SMC3: variants seen among roughly 807,000 people sequenced by gnomAD.
The protein encoded by SMC3 is structural maintenance of chromosomes 3, also known as structural maintenance of chromosomes protein 3.
SMC3 carries 20 observed loss-of-function variants against 171.8 expected under a neutral mutation model. That is an observed-to-expected ratio of 0.12 (90% CI 0.08 to 0.17). The LOEUF is 0.17. Among genes scored for constraint, SMC3 ranks in the 10% least tolerant of loss-of-function variants. The pLI is 1.00. For synonymous variants in SMC3, 464 were observed against 451.1 expected (o/e 1.03, Z -0.36); for missense variants, 543 against 1,420.4 (o/e 0.38, Z 9.93).
At chr10:110,594,458 T>C (rs1414807615) in intron 18 of SMC3, among the ~76,000 whole-genome samples, 1 of 152,104 alleles carries the variant, frequency 6.6e-6, no homozygotes, top group East Asian at 1.9e-4. Flanking sequence ...TGAAAATAGC[T>C]CTTCTTTTGG....
rs373679910 is a variant in SMC3, at chr10:110,599,858, A to G, written c.2427+46A>G. On this transcript the variant is annotated intron_variant, in intron 21 of 28. Transcript: ENST00000361804. Reference sequence around the variant, plus strand: ...AAAAAGAATTCGTTAGTAATTGGCTATTGTGAAAAGGGCCTTTCTTGCTAA... The same window carrying G: ...AAAAAGAATTCGTTAGTAATTGGCTGTTGTGAAAAGGGCCTTTCTTGCTAA... The G allele has an allele frequency of 1.9e-5, 30 of 1,586,816 alleles. No homozygotes were observed. The Middle Eastern group carries it at 5.0e-4, about 26-fold the overall frequency.
chr10:110,603,950 C>T (rs1254664844), intron 28 of SMC3, among the ~76,000 whole-genome samples: 1 of 151,874 alleles, frequency 6.6e-6, no homozygotes, highest in Non-Finnish European at 1.5e-5. Context: ...CAAAAATTAG[C>T]TGGGCATGCT....
intron 17 of SMC3, 90 bp from the exon 18 acceptor site, chr10:110,592,983 T>C: frequency 2.7e-6 from 3 of 1,104,126 alleles, no homozygotes; most frequent in Non-Finnish European, 4.1e-6. Flanking sequence ...GTTTATGGTT[T>C]ATTTGTATTT....
intron 15 of SMC3, among the ~76,000 whole-genome samples, 161 bp downstream of exon 15, chr10:110,590,152 A>G (rs1861183166): frequency 6.6e-6 from 1 of 152,232 alleles, no homozygotes; most frequent in African/African-American, 2.4e-5. Context: ...AAATAGTTTT[A>G]TTACTACACA....
At chr10:110,583,985 T>C in intron 12 of SMC3, 23 bp downstream of exon 12, 3 of 1,611,450 alleles carry the variant, frequency 1.9e-6, no homozygotes, top group Non-Finnish European at 2.5e-6. Context: ...TCACCAACAC[T>C]TTAACTTTCT....
chr10:110,571,514 G>A (rs11819139), intron 2 of SMC3, among the ~76,000 whole-genome samples: 16,895 of 152,202 alleles, frequency 0.11, 1,850 homozygotes, highest in African/African-American at 0.28. Context: ...ATGCCTCCAA[G>A]CTTTTGGATT....
rs368204915 is a variant in SMC3, at chr10:110,582,652, T to C, written c.804+10T>C. The C allele has an allele frequency of 1.3e-6, 2 of 1,594,892 alleles. No individual in the cohort carries two copies. The highest frequency in any genetic ancestry group is 1.7e-6 in the Non-Finnish European group (2 of 1,162,870). ...AAGAGATAAAATGGAGGTAAGATTA[T>C]AAACAAGGTTCATGTTAACTTACTT... On this transcript the variant is annotated intron_variant, in intron 10 of 28. Transcript: ENST00000361804.
intron 13 of SMC3, among the ~76,000 whole-genome samples, chr10:110,588,788 C>T (rs138571260): frequency 3.3e-5 from 5 of 152,226 alleles, no homozygotes; most frequent in East Asian, 1.9e-4. Context: ...CAGCATCTTA[C>T]GTTAGGTTCT....
chr10:110,573,442 A>G lies in SMC3; in HGVS notation c.92-265A>G, dbSNP rs142140000. Among the ~76,000 whole-genome samples the G allele has an allele frequency of 2.6e-5, 4 of 152,248 alleles. No individual in the cohort carries two copies. In the East Asian group the frequency reaches 7.7e-4, roughly 29 times the overall value. On this transcript the variant is annotated intron_variant, in intron 2 of 28. Transcript: ENST00000361804. ...CCAGGTAGTATATTTAGCTATTCCT[A>G]TTCATTTTAAACTATTGGGTAAGAG...
chr10:110,591,459 A>G (rs576841044), intron 17 of SMC3, among the ~76,000 whole-genome samples: 2 of 152,338 alleles, frequency 1.3e-5, no homozygotes, highest in East Asian at 3.9e-4. Context: ...AGTACAGGAT[A>G]CTTTGAGAGC....
chr10:110,600,500 C>G lies in SMC3; in HGVS notation c.2489C>G (p.Thr830Ser). Residue 830 changes from threonine (T) to serine (S), a missense_variant, in exon 22 of 29, where the codon ACT (threonine) becomes AGT (serine). Coordinates refer to ENST00000361804, the MANE Select transcript of SMC3 (RefSeq NM_005445.4). The stretch of plus-strand genomic sequence containing the variant: ...GAAGGTATTATTACTCGAGTAGAGA[C>G]TTATCTCAATGAGAATCTGAGAAAA... ...KLEGIITRVE[T>S]YLNENLRKRL... is the part of the protein sequence containing the mutation. 1 of 1,592,430 alleles carries G rather than the reference C, an allele frequency of 6.3e-7. No homozygotes were observed.
At chr10:110,595,832 A>G (rs988736192) in intron 18 of SMC3, among the ~76,000 whole-genome samples, 3 of 151,478 alleles carry the variant, frequency 2.0e-5, no homozygotes, top group African/African-American at 7.3e-5. Context: ...GGAAATTTCA[A>G]GCTAGGTCCT....
intron 7 of SMC3, among the ~76,000 whole-genome samples, chr10:110,579,343 G>A (rs1860998296): frequency 6.6e-6 from 1 of 152,138 alleles, no homozygotes; most frequent in Non-Finnish European, 1.5e-5. Context: ...TTCAGTTTTA[G>A]AAAATGTGTT....
chr10:110,585,304 T>TC (rs1467035717), intron 13 of SMC3, among the ~76,000 whole-genome samples: 1 of 151,154 alleles, frequency 6.6e-6, no homozygotes, highest in African/African-American at 2.4e-5. Flanking sequence ...TTTTTTTTTT[T>TC]TTTTAATACG....
At chr10:110,602,248 A>G (rs1861398756) in intron 25 of SMC3, 70 bp downstream of exon 25, 7 of 1,418,096 alleles carry the variant, frequency 4.9e-6, no homozygotes, top group Non-Finnish European at 6.0e-6. Context: ...CAGTTTGTAA[A>G]GATTTTAAAG....
In SMC3 at chr10:110,593,234, C is replaced by G. The variant is rs1861235897; in HGVS notation, c.1963+11C>G. The G allele has an allele frequency of 6.2e-7, 1 of 1,612,738 alleles. No homozygotes were observed. Among genetic ancestry groups the G allele is most frequent in the Non-Finnish European group, 8.5e-7 (1 of 1,178,726 alleles). On this transcript the variant is annotated intron_variant, in intron 18 of 28. Coordinates refer to ENST00000361804, the MANE Select transcript of SMC3 (RefSeq NM_005445.4). The stretch of plus-strand genomic sequence containing the variant: ...GTATTACTTTGGAAGGTTTGTAATA[C>G]TAATTCTTAGCTTTAAACAGATAAA...
chr10:110,583,976 C>G lies in SMC3; in HGVS notation c.1091+14C>G. The G allele has an allele frequency of 4.3e-6, 7 of 1,612,506 alleles. No individual in the cohort carries two copies. The highest frequency in any genetic ancestry group is 5.1e-6 in the Non-Finnish European group (6 of 1,179,382). On this transcript the variant is annotated intron_variant, in intron 12 of 28. Transcript: ENST00000361804. ...AGGAATTGCTAGGTCTGAGAACTTT[C>G]ACCAACACTTTAACTTTCTACATCA... is the stretch of plus-strand genomic sequence containing the variant.
chr10:110,604,822 G>GC lies in SMC3; in HGVS notation c.*524dup, dbSNP rs1861444697. 6.6e-6 allele frequency among the ~76,000 whole-genome samples: 1 copy of GC among 152,118 alleles called. No homozygotes were observed. Among genetic ancestry groups the GC allele is most frequent in the South Asian group, 2.1e-4 (1 of 4,832 alleles). ...GTTTGGGAAGGGAAGCACAAAATCAGCCCCTACCATGGTATATTTATCATT... is the reference window on the plus strand; with the variant it reads ...GTTTGGGAAGGGAAGCACAAAATCAGCCCCCTACCATGGTATATTTATCATT... On this transcript the variant is annotated 3_prime_UTR_variant, in exon 29 of 29. Coordinates refer to ENST00000361804, the MANE Select transcript of SMC3 (RefSeq NM_005445.4).
rs1056229891 is a variant in SMC3, at chr10:110,580,783, T to C, written c.430-121T>C. On this transcript the variant is annotated intron_variant, in intron 7 of 28. Transcript: ENST00000361804. ...TCTAAAATCTGTAACACTTCTGGTT[T>C]CTAACCATTTTGCATAAGGGATACC... 14 of 731,912 alleles carry C rather than the reference T, an allele frequency of 1.9e-5. No homozygotes were observed. The Admixed American group carries it at 2.3e-4, about 12-fold the overall frequency. The allele number at this position is 731,912 out of a possible 1,614,324, so 45.3% of individuals were successfully genotyped here.
Sources: allele counts gnomAD v4.1 joint callset (sites outside exome capture counted in the v4.1 genomes callset), GRCh38; gene constraint gnomAD v4.1.1; transcripts MANE v1.5; gene names NCBI Gene and HGNC (gene_info 2026-07-23, HGNC 2026-07-21).